The following PCDHA10 variants were observed in gnomAD, a reference collection of about 807,000 sequenced individuals.
The protein encoded by PCDHA10 is protocadherin alpha-10.
PCDHA10 carries 45 observed loss-of-function variants against 61.2 expected under a neutral mutation model. The ratio of observed to expected loss-of-function variants is 0.74; its 90% confidence interval spans 0.58 to 0.94. PCDHA10 has a LOEUF of 0.94. Ranked by LOEUF, PCDHA10 falls within the 40% of genes least tolerant of loss-of-function variation. The pLI, the probability that PCDHA10 is intolerant of heterozygous loss-of-function variation, is 0.00. For missense variants in PCDHA10, 1,278 were observed against 1,236.2 expected (o/e 1.03, Z -0.51); for synonymous variants, 602 against 548.8 (o/e 1.10, Z -1.35).
intron 1 of PCDHA10, among the ~76,000 whole-genome samples, chr5:140,889,903 A>G (rs2062424264): frequency 6.6e-6 from 1 of 152,126 alleles, no homozygotes; most frequent in African/African-American, 2.4e-5. Flanking sequence ...CTACCTTGAG[A>G]TTGTCATACT....
chr5:140,941,446 G>C (rs1241311664), intron 1 of PCDHA10, among the ~76,000 whole-genome samples: 1 of 150,694 alleles, frequency 6.6e-6, no homozygotes, highest in African/African-American at 2.4e-5. Flanking sequence ...CTCGGGAGTA[G>C]CTGGGATTAC....
At position 140,856,403 on chromosome 5, in the gene PCDHA10, G is replaced by C; in HGVS notation, c.355G>C (p.Asp119His). The C allele has an allele frequency of 6.3e-7, 1 of 1,598,562 alleles. No individual in the cohort carries two copies. The highest frequency in any genetic ancestry group is 1.1e-5 in the South Asian group (1 of 90,530). ...CAGGCCGCTGCAGGTTTTCCATGTG[G>C]ACGTGGAAGTGAAGGACATTAACGA... Reference protein sequence around the residue: ...VDRPLQVFHVDVEVKDINDNP... With the variant: ...VDRPLQVFHVHVEVKDINDNP... Residue 119 changes from aspartate (D) to histidine (H), a missense_variant, in exon 1 of 4, where the codon GAC becomes CAC. Asp to His is a moderately conservative substitution (Grantham distance 81, BLOSUM62 -1). Transcript: ENST00000307360.
intron 1 of PCDHA10, among the ~76,000 whole-genome samples, chr5:140,891,204 C>T (rs2153433269): frequency 6.6e-6 from 1 of 152,078 alleles, no homozygotes; most frequent in South Asian, 2.1e-4. Flanking sequence ...GCAGTTTTAC[C>T]ATGCTGTGTC....
chr5:140,927,008 T>C (rs1482906318), intron 1 of PCDHA10: 1 of 1,612,396 alleles, frequency 6.2e-7, no homozygotes, highest in Admixed American at 1.7e-5. Context: ...GTAGGCAATC[T>C]CTCCGCGGAC....
At chr5:140,981,049 T>C (rs2096916420) in intron 2 of PCDHA10, among the ~76,000 whole-genome samples, 1 of 152,158 alleles carries the variant, frequency 6.6e-6, no homozygotes. Context: ...AAACAGATAA[T>C]TCTAGAGTGT....
At chr5:140,927,994 G>C in intron 1 of PCDHA10, 1 of 1,614,180 alleles carries the variant, frequency 6.2e-7, no homozygotes, top group Non-Finnish European at 8.5e-7. Flanking sequence ...AAAGGATGAA[G>C]ACCTCGATTC....
chr5:140,920,853 A>G (rs375783359), intron 1 of PCDHA10, among the ~76,000 whole-genome samples: 2 of 152,062 alleles, frequency 1.3e-5, no homozygotes, highest in Non-Finnish European at 2.9e-5. Context: ...AAAAAAAAAA[A>G]AAAAACAAAC....
chr5:141,005,563 A>G (rs938722871), intron 3 of PCDHA10, among the ~76,000 whole-genome samples: 4 of 151,458 alleles, frequency 2.6e-5, no homozygotes, highest in East Asian at 1.9e-4. Context: ...TTAGCCGGGC[A>G]TGGTGGCGCG....
chr5:140,908,307 C>T (rs782169692), intron 1 of PCDHA10, among the ~76,000 whole-genome samples: 43 of 152,180 alleles, frequency 2.8e-4, no homozygotes, highest in Non-Finnish European at 1.3e-4. Context: ...GAAGGAAGGG[C>T]GGCAGGAGTG....
intron 3 of PCDHA10, among the ~76,000 whole-genome samples, chr5:141,008,809 C>A (rs1397377778): frequency 6.6e-6 from 1 of 152,160 alleles, no homozygotes; most frequent in African/African-American, 2.4e-5. Flanking sequence ...CAAATAGGCT[C>A]AATTTACAAC....
At chr5:140,948,259 G>A (rs1430770984) in intron 1 of PCDHA10, among the ~76,000 whole-genome samples, 3 of 151,464 alleles carry the variant, frequency 2.0e-5, no homozygotes, top group Non-Finnish European at 3.0e-5. Context: ...TTACATCTGT[G>A]TTCATGTAGA....
intron 1 of PCDHA10, among the ~76,000 whole-genome samples, chr5:140,912,536 A>G (rs1554195402): frequency 2.0e-5 from 3 of 152,290 alleles, no homozygotes; most frequent in African/African-American, 4.8e-5. Flanking sequence ...GTACATGATC[A>G]TATTGTCAGC....
intron 1 of PCDHA10, chr5:140,862,180 CA>C (rs1408132694): frequency 6.0e-6 from 1 of 165,728 alleles, no homozygotes; most frequent in African/African-American, 2.4e-5. Context: ...GCAGTTGACA[CA>C]GGCAATTCCC....
In PCDHA10 at chr5:140,927,608, G is replaced by A. The variant is rs151084513; in HGVS notation, c.2389-51341G>A. ...CCTGTATTTGAGCGCTCCGTATACC[G>A]CACCAAGGTTCCAGAGACTGCACCC... On this transcript the variant is annotated intron_variant, in intron 1 of 3. Coordinates refer to ENST00000307360, the MANE Select transcript of PCDHA10 (RefSeq NM_018901.4). The A allele has an allele frequency of 2.2e-5, 35 of 1,614,050 alleles. No homozygotes were observed. In the African/African-American group the frequency reaches 4.4e-4, roughly 20 times the overall value.
At chr5:140,986,938 G>A (rs1025641797) in intron 3 of PCDHA10, among the ~76,000 whole-genome samples, 1 of 152,158 alleles carries the variant, frequency 6.6e-6, no homozygotes, top group African/African-American at 2.4e-5. Flanking sequence ...TGGAGGCTGG[G>A]TGTGGTCGCT....
chr5:140,986,198 C>T (rs782730684), intron 3 of PCDHA10, among the ~76,000 whole-genome samples: 1 of 152,200 alleles, frequency 6.6e-6, no homozygotes, highest in African/African-American at 2.4e-5. Flanking sequence ...ATTGGTTAAT[C>T]CTGATTACTG....
chr5:140,856,479 C>T lies in PCDHA10; in HGVS notation c.431C>T (p.Ser144Phe). Residue 144 changes from serine (S) to phenylalanine (F), a missense_variant, in exon 1 of 4, where the codon TCC (serine) becomes TTC (phenylalanine). Coordinates refer to ENST00000307360, the MANE Select transcript of PCDHA10 (RefSeq NM_018901.4). ...GAACAAAAGCTCTCAATACCTGAAT[C>T]CAGACTGCTTGACTCTCGATTTCCA... ...VTEQKLSIPE[S>F]RLLDSRFPLE... 1 of 1,598,354 alleles carries T rather than the reference C, an allele frequency of 6.3e-7. No individual in the cohort carries two copies. The highest frequency in any genetic ancestry group is 8.6e-7 in the Non-Finnish European group (1 of 1,167,930).
intron 1 of PCDHA10, among the ~76,000 whole-genome samples, chr5:140,909,474 C>G (rs1554193804): frequency 6.6e-6 from 1 of 152,182 alleles, no homozygotes; most frequent in African/African-American, 2.4e-5. Context: ...TCTTCACAGG[C>G]TAAATAGGAG....
intron 1 of PCDHA10, chr5:140,875,950 G>A: frequency 6.2e-7 from 1 of 1,614,166 alleles, no homozygotes; most frequent in South Asian, 1.1e-5. Flanking sequence ...CGCTTCTGAT[G>A]CGGATATCGG....
Sources: gnomAD v4.1 joint callset for allele counts (sites outside exome capture counted in the v4.1 genomes callset) on GRCh38, gnomAD v4.1.1 for gene constraint, MANE v1.5 for transcripts, NCBI Gene and HGNC (gene_info 2026-07-23, HGNC 2026-07-21) for gene names.